The following DHDDS variants were observed in gnomAD, a reference collection of about 807,000 sequenced individuals.
DHDDS encodes the protein dehydrodolichyl diphosphate synthase complex subunit DHDDS.
Under a neutral mutation model 46.2 loss-of-function variants are expected in DHDDS, and 16 were observed. The ratio of observed to expected loss-of-function variants is 0.35; its 90% CI spans 0.23 to 0.53. The LOEUF (loss-of-function observed/expected upper bound fraction) is 0.53, where lower values mean the gene tolerates loss of function less well. Among genes scored for constraint, DHDDS ranks in the 20% least tolerant of loss-of-function variants. The probability of loss-of-function intolerance (pLI) is 0.94; values close to 1 mark genes in which losing one functional copy is unlikely to be tolerated. For synonymous variants in DHDDS, 151 were observed against 163.1 expected (o/e 0.93, Z 0.56); for missense variants, 340 against 423.7 (o/e 0.80, Z 1.73).
chr1:26,450,446 CT>C (rs1365977300), intron 6 of DHDDS, among the ~76,000 whole-genome samples: 1 of 152,178 alleles, frequency 6.6e-6, no homozygotes, highest in Non-Finnish European at 1.5e-5. Context: ...TCAGCCCTGC[CT>C]GTTAAGGAGT....
Position 26,469,209 on chromosome 1 carries a change from C to T in DHDDS, c.*78C>T, listed in dbSNP as rs1248001273. The T allele has an allele frequency of 1.2e-6, 2 of 1,602,132 alleles. No individual in the cohort carries two copies. The highest frequency in any genetic ancestry group is 1.7e-6 in the Non-Finnish European group (2 of 1,177,898). On this transcript the variant is annotated 3_prime_UTR_variant, in exon 9 of 9. Coordinates refer to ENST00000236342, the MANE Select transcript of DHDDS (RefSeq NM_205861.3). ...TCCCCTTCCTTTTCTTGGTGAAAGG[C>T]ACCTCCTTTCCTGATAATGAATGGT...
At chr1:26,432,808 A>G in intron 1 of DHDDS, 83 bp from the exon 2 acceptor site, 1 of 813,300 alleles carries the variant, frequency 1.2e-6, no homozygotes, top group Non-Finnish European at 2.1e-6. Context: ...GCTGCTCTCC[A>G]TAGTCCATCT....
At position 26,446,687 on chromosome 1, in the gene DHDDS, AGT is replaced by A. The variant is rs138481581; in HGVS notation, c.440+275_440+276del. ...TTCTCTGCCCAGCCCCCACCAAATA[AGT>A]GTGTGTGTGTGTGTGTGTGGGTGTG... On this transcript the variant is annotated intron_variant, in intron 5 of 8. Transcript: ENST00000236342. Among the ~76,000 whole-genome samples, 728 of 148,866 alleles carry A rather than the reference AGT, an allele frequency of 4.9e-3. 3 individuals carry two copies. The highest frequency in any genetic ancestry group is 0.015 in the African/African-American group (607 of 40,736).
At chr1:26,459,152 A>T (rs148019882) in intron 7 of DHDDS, among the ~76,000 whole-genome samples, 1 of 152,246 alleles carries the variant, frequency 6.6e-6, no homozygotes, top group African/African-American at 2.4e-5. Flanking sequence ...TTGGGAACTG[A>T]TAACAGGCAG....
chr1:26,468,811 G>GGCCCACCCCCCACCACC, intron 8 of DHDDS, 84 bp from the exon 9 acceptor site: 1 of 637,984 alleles, frequency 1.6e-6, no homozygotes, highest in Non-Finnish European at 2.6e-6. Context: ...CCCACCCTGT[G>GGCCCACCCCCCACCACC]CCCCACCCCC....
chr1:26,441,648 C>T (rs1001724437), intron 3 of DHDDS, among the ~76,000 whole-genome samples: 3 of 152,090 alleles, frequency 2.0e-5, no homozygotes, highest in Non-Finnish European at 4.4e-5. Context: ...GTAATCCCAG[C>T]ACTTCGGGAG....
chr1:26,453,762 A>G (rs1452171477), intron 6 of DHDDS, among the ~76,000 whole-genome samples: 8 of 152,176 alleles, frequency 5.3e-5, no homozygotes, highest in Admixed American at 3.9e-4. Flanking sequence ...AAAAAATAAA[A>G]CAAAAAAATA....
At chr1:26,438,108 G>A in intron 2 of DHDDS, 60 bp from the exon 3 acceptor site, 1 of 1,565,974 alleles carries the variant, frequency 6.4e-7, no homozygotes, top group African/African-American at 1.4e-5. Flanking sequence ...GGGGTGTAGT[G>A]TCTTCCTTTA....
chr1:26,439,162 C>T (rs2075192581), intron 3 of DHDDS, among the ~76,000 whole-genome samples: 1 of 152,080 alleles, frequency 6.6e-6, no homozygotes, highest in African/African-American at 2.4e-5. Flanking sequence ...AACTCCTGAC[C>T]TCAGGTGATC....
Position 26,438,198 on chromosome 1 carries a change from A to G in DHDDS, c.94A>G (p.Ile32Val). ...AGPMPKHIAFIMDGNRRYAKK... is the reference protein window; with the variant it reads ...AGPMPKHIAFVMDGNRRYAKK... ...CCCAATGCCGAAACACATTGCATTC[A>G]TAATGGACGGGAACCGTCGCTATGC... The change falls in exon 3 of 9, where the codon ATA (isoleucine) becomes GTA (valine). Residue 32 changes from isoleucine (I) to valine (V), a missense_variant. Transcript: ENST00000236342. 6.2e-7 allele frequency: 1 copy of G among 1,614,040 alleles called. No individual in the cohort carries two copies.
rs111280072 is a variant in DHDDS, at chr1:26,459,328, T to C, written c.658-709T>C. On this transcript the variant is annotated intron_variant, in intron 7 of 8. Transcript: ENST00000236342. ...GGACAACTAGTTATCCCCCATGAGG[T>C]ACTGAATTCCTCACCACTAGAGATA... 3.1e-3 allele frequency among the ~76,000 whole-genome samples: 467 copies of C among 152,282 alleles called. 3 individuals carry two copies. Among genetic ancestry groups the C allele is most frequent in the African/African-American group, 0.011 (446 of 41,560 alleles).
intron 2 of DHDDS, among the ~76,000 whole-genome samples, chr1:26,435,667 T>G (rs181903840): frequency 1.6e-4 from 24 of 151,930 alleles, no homozygotes. Flanking sequence ...CAGGCTGCAG[T>G]GTGGTGGCGT....
chr1:26,455,121 G>A (rs2075358765), intron 6 of DHDDS: 13 of 786,098 alleles, frequency 1.7e-5, no homozygotes, highest in Non-Finnish European at 2.3e-5. Context: ...AAGTAAACAC[G>A]AAGATTGGAA....
intron 6 of DHDDS, among the ~76,000 whole-genome samples, chr1:26,451,621 AT>A (rs1376887714): frequency 7.7e-6 from 1 of 129,444 alleles, no homozygotes; most frequent in Non-Finnish European, 1.7e-5. Context: ...ACACCCGGCT[AT>A]TTTTTTTTCT....
rs758854388 is a variant in DHDDS at position 26,446,570 on chromosome 1, TTC to T, written c.440+141_440+142del. The T allele has an allele frequency of 6.3e-5, 48 of 762,102 alleles. No homozygotes were observed. The Middle Eastern group carries it at 8.5e-4, about 14-fold the overall frequency. The allele number at this position is 762,102 out of a possible 1,614,324, so 47.2% of individuals were successfully genotyped here. ...GAGTAGGTTGAGCAGCTTAGAGACT[TTC>T]TCCGTCTGCAGGGCACACCAGACAT... On this transcript the variant is annotated intron_variant, in intron 5 of 8. Coordinates refer to ENST00000236342, the MANE Select transcript of DHDDS (RefSeq NM_205861.3).
intron 6 of DHDDS, among the ~76,000 whole-genome samples, chr1:26,450,020 G>C (rs2075304859): frequency 6.6e-6 from 1 of 152,132 alleles, no homozygotes; most frequent in South Asian, 2.1e-4. Flanking sequence ...GGTATAGTCA[G>C]GTCAACAGTC....
chr1:26,435,253 A>C (rs1356149047), intron 2 of DHDDS, among the ~76,000 whole-genome samples: 6 of 149,398 alleles, frequency 4.0e-5, no homozygotes, highest in Non-Finnish European at 8.9e-5. Flanking sequence ...CTCGTGATCC[A>C]CCCGCCTCGG....
chr1:26,452,005 C>G (rs542967162), intron 6 of DHDDS, among the ~76,000 whole-genome samples: 1 of 152,186 alleles, frequency 6.6e-6, no homozygotes, highest in East Asian at 1.9e-4. Context: ...CCTTGGCCTC[C>G]CAAAGTCCTG....
intron 2 of DHDDS, among the ~76,000 whole-genome samples, chr1:26,434,932 A>T (rs766430975): frequency 6.7e-6 from 1 of 149,762 alleles, no homozygotes; most frequent in African/African-American, 2.5e-5. Context: ...AAGTACTGGG[A>T]TTACAGGCTT....
Sources: gnomAD v4.1 joint callset for allele counts (sites outside exome capture counted in the v4.1 genomes callset) on GRCh38, gnomAD v4.1.1 for gene constraint, MANE v1.5 for transcripts, NCBI Gene and HGNC (gene_info 2026-07-23, HGNC 2026-07-21) for gene names.